ANK1: variants seen among roughly 807,000 people sequenced by gnomAD.
ANK1 encodes ankyrin-1.
A neutral mutation model predicts 210.4 loss-of-function variants in ANK1; 51 were observed. The ratio of observed to expected loss-of-function variants is 0.24; its 90% CI spans 0.19 to 0.31. The LOEUF (loss-of-function observed/expected upper bound fraction) is 0.31, where lower values mean the gene tolerates loss of function less well. ANK1 is among the 10% of genes least tolerant of loss of function. The pLI is 1.00. For synonymous variants in ANK1, 967 were observed against 1,025.9 expected, an observed-to-expected ratio of 0.94 and a Z score of 1.10; for missense variants, 2,051 against 2,504.4, an observed-to-expected ratio of 0.82 and a Z score of 3.86.
chr8:41,661,996 T>C, intron 40 of ANK1, 55 bp from the exon 41 acceptor site: 1 of 1,592,012 alleles, frequency 6.3e-7, no homozygotes, highest in Non-Finnish European at 8.6e-7. Context: ...CGGGGGCTCA[T>C]GTCTGTAATC....
In ANK1 at chr8:41,718,073, C is replaced by T. The variant is rs113377681; in HGVS notation, c.1206+33G>A. The T allele has an allele frequency of 3.1e-6, 5 of 1,602,500 alleles. No homozygotes were observed. The African/African-American group carries it at 4.0e-5, about 13-fold the overall frequency. ...AAGGTGGGTCGGGGGAGACCACAGG[C>T]CTGCCCCCAGGCTCCTCTGCAGTCT... On this transcript the variant is annotated intron_variant, in intron 11 of 42. Coordinates refer to ENST00000289734, the MANE Select transcript of ANK1 (RefSeq NM_000037.4).
At chr8:41,738,077 CAGAAG>C (rs150388017) in intron 2 of ANK1, among the ~76,000 whole-genome samples, 1,718 of 152,308 alleles carry the variant, frequency 0.011, 13 homozygotes, top group East Asian at 0.027. Flanking sequence ...AGAGGTGGCA[CAGAAG>C]AGAAAAGAGT....
At chr8:41,836,940 A>AT (rs1296473758) in intron 1 of ANK1, among the ~76,000 whole-genome samples, 1 of 150,214 alleles carries the variant, frequency 6.7e-6, no homozygotes, top group Non-Finnish European at 1.5e-5. Context: ...AAAAAAAAAA[A>AT]CAAAAGGAGG....
At chr8:41,812,730 T>TG (rs1456732996) in intron 1 of ANK1, among the ~76,000 whole-genome samples, 1 of 152,080 alleles carries the variant, frequency 6.6e-6, no homozygotes. Flanking sequence ...CCGGAGGTGG[T>TG]GGGATGGTTT....
intron 1 of ANK1, among the ~76,000 whole-genome samples, chr8:41,881,566 A>G (rs1817593484): frequency 6.6e-6 from 1 of 152,234 alleles, no homozygotes; most frequent in Non-Finnish European, 1.5e-5. Flanking sequence ...CATTCCCATC[A>G]AGCTCTAGGC....
chr8:41,805,255 C>G lies in ANK1; in HGVS notation c.127-47118G>C, dbSNP rs1235523202. Among the ~76,000 whole-genome samples the G allele has an allele frequency of 4.0e-5, 6 of 151,620 alleles. No homozygotes were observed. In the East Asian group the frequency reaches 1.2e-3, roughly 29 times the overall value. ...TCTCTCTTTGTCTCTTTCTCTCTCT[C>G]TCTCTCTCTCTGATTCTTGCTCTGT... On this transcript the variant is annotated intron_variant, in intron 1 of 42. Transcript: ENST00000265709.
chr8:41,870,576 T>C (rs1815278306), intron 1 of ANK1, among the ~76,000 whole-genome samples: 1 of 152,136 alleles, frequency 6.6e-6, no homozygotes, highest in African/African-American at 2.4e-5. Context: ...GTATGAGAAA[T>C]GTGAGGTTAC....
At chr8:41,843,617 T>C (rs1014795703) in intron 1 of ANK1, among the ~76,000 whole-genome samples, 2 of 152,056 alleles carry the variant, frequency 1.3e-5, no homozygotes, top group African/African-American at 4.8e-5. Flanking sequence ...GCCAAACAGA[T>C]AGCGGTGATA....
intron 1 of ANK1, among the ~76,000 whole-genome samples, chr8:41,845,697 G>A (rs1021346811): frequency 1.3e-5 from 2 of 152,212 alleles, no homozygotes; most frequent in South Asian, 2.1e-4. Flanking sequence ...TTGCATAAAC[G>A]TGCATAAATT....
chr8:41,803,504 C>T (rs887211868), intron 1 of ANK1: 1 of 152,158 alleles, frequency 6.6e-6, no homozygotes, highest in African/African-American at 2.4e-5. Context: ...TTATTATTCA[C>T]AAATCAGGAC....
At chr8:41,868,523 G>A (rs190024913) in intron 1 of ANK1, among the ~76,000 whole-genome samples, 6 of 152,316 alleles carry the variant, frequency 3.9e-5, no homozygotes, top group Admixed American at 1.3e-4. Flanking sequence ...GACAATGTAC[G>A]AAATCTCATC....
At chr8:41,884,283 G>A (rs1818080742) in intron 1 of ANK1, among the ~76,000 whole-genome samples, 1 of 152,066 alleles carries the variant, frequency 6.6e-6, no homozygotes, top group Non-Finnish European at 1.5e-5. Flanking sequence ...GGGAGGCAGA[G>A]GTTTCAGTGA....
intron 16 of ANK1, among the ~76,000 whole-genome samples, chr8:41,711,334 TA>T (rs1391445919): frequency 6.6e-6 from 1 of 152,158 alleles, no homozygotes; most frequent in Non-Finnish European, 1.5e-5. Flanking sequence ...AGAAAAACCT[TA>T]AAAACTGAAT....
At chr8:41,700,922 C>G (rs893261987) in intron 22 of ANK1, among the ~76,000 whole-genome samples, 2 of 152,044 alleles carry the variant, frequency 1.3e-5, no homozygotes, top group African/African-American at 4.8e-5. Context: ...ACCACCACAC[C>G]CTGCTAATTT....
chr8:41,656,787 T>A (rs958968508), intron 42 of ANK1, among the ~76,000 whole-genome samples: 22 of 151,090 alleles, frequency 1.5e-4, no homozygotes, highest in Non-Finnish European at 7.4e-5. Flanking sequence ...TGGGGAGGAG[T>A]GTTGGAAGGG....
chr8:41,838,980 G>C (rs1023724635), intron 1 of ANK1, among the ~76,000 whole-genome samples: 1 of 151,744 alleles, frequency 6.6e-6, no homozygotes, highest in African/African-American at 2.4e-5. Flanking sequence ...GGGAGGCTGA[G>C]GCAGGAGAAT....
intron 1 of ANK1, among the ~76,000 whole-genome samples, chr8:41,763,193 G>A (rs13254234): frequency 0.12 from 15,848 of 136,462 alleles, 950 homozygotes; most frequent in South Asian, 0.16. Flanking sequence ...CAGCCTGGGC[G>A]ACAGAGAGAG....
chr8:41,861,766 C>T (rs1263748536), intron 1 of ANK1, among the ~76,000 whole-genome samples: 2 of 152,244 alleles, frequency 1.3e-5, no homozygotes, highest in Non-Finnish European at 1.5e-5. Context: ...CTGGGAGGAC[C>T]CAAGGCATAG....
Position 41,672,612 on chromosome 8 carries a change from G to C in ANK1, c.4838C>G (p.Pro1613Arg). ...EGALSEEPRG[P>R]ELGSLELVED... Reference sequence around the variant, plus strand: ...CACAAGTTCCAGAGAGCCCAACTCGGGGCCCCGCGGTTCCTCTGAGAGTGC... The same window carrying C: ...CACAAGTTCCAGAGAGCCCAACTCGCGGCCCCGCGGTTCCTCTGAGAGTGC... The change falls in exon 38 of 43, where the codon CCC (proline) becomes CGC (arginine). Residue 1613 changes from proline (P) to arginine (R), a missense_variant. Transcript: ENST00000289734. 1 of 1,614,208 alleles carries C rather than the reference G, an allele frequency of 6.2e-7. No individual in the cohort carries two copies. The highest frequency in any genetic ancestry group is 8.5e-7 in the Non-Finnish European group (1 of 1,180,046).
Sources: gnomAD v4.1 joint callset for allele counts (sites outside exome capture counted in the v4.1 genomes callset) on GRCh38, gnomAD v4.1.1 for gene constraint, MANE v1.5 for transcripts, NCBI Gene and HGNC (gene_info 2026-07-23, HGNC 2026-07-21) for gene names.